The following GALNT13 variants were observed in gnomAD, a reference collection of about 807,000 sequenced individuals.
GALNT13 encodes the protein UDP-GalNAc:polypeptide N-acetylgalactosaminyltransferase 13.
In GALNT13, 28 loss-of-function variants were observed where a neutral mutation model predicts 64.2. That is an observed-to-expected ratio of 0.44 (90% CI 0.32 to 0.60). GALNT13 has a LOEUF of 0.60. Among genes scored for constraint, GALNT13 ranks in the 20% least tolerant of loss-of-function variants. GALNT13 has a pLI of 0.05. For missense variants in GALNT13, 577 were observed against 669.8 expected (o/e 0.86, Z 1.53); for synonymous variants, 214 against 224.6 (o/e 0.95, Z 0.42).
chr2:154,146,597 G>C (rs1000740681), intron 4 of GALNT13, among the ~76,000 whole-genome samples: 1 of 151,988 alleles, frequency 6.6e-6, no homozygotes, highest in East Asian at 1.9e-4. Context: ...TTAAGGAAAA[G>C]CAGGCACAGG....
At chr2:154,404,505 G>A (rs1033142992) in intron 10 of GALNT13, among the ~76,000 whole-genome samples, 1 of 152,196 alleles carries the variant, frequency 6.6e-6, no homozygotes. Context: ...ACAGAGGAAA[G>A]CAATGAGGTA....
intron 2 of GALNT13, among the ~76,000 whole-genome samples, chr2:153,917,059 C>G (rs541827889): frequency 6.6e-6 from 1 of 152,062 alleles, no homozygotes; most frequent in East Asian, 1.9e-4. Flanking sequence ...ATTCAGCTGA[C>G]AAGTCACTTA....
chr2:153,701,787 C>G, the GALNT13 span, among the ~76,000 whole-genome samples: 1 of 152,092 alleles, frequency 6.6e-6, no homozygotes, highest in Non-Finnish European at 1.5e-5. Flanking sequence ...GAGATACCAC[C>G]TCATGCCAGT....
chr2:153,223,176 G>A, the GALNT13 span, among the ~76,000 whole-genome samples: 1 of 152,230 alleles, frequency 6.6e-6, no homozygotes. Flanking sequence ...AAGGACAGGA[G>A]GCAGAAACTG....
At chr2:153,364,107 C>A in the GALNT13 span, among the ~76,000 whole-genome samples, 1 of 152,128 alleles carries the variant, frequency 6.6e-6, no homozygotes, top group Non-Finnish European at 1.5e-5. Flanking sequence ...TAAATGTAAT[C>A]CATCCCATAA....
At chr2:153,562,398 A>C in the GALNT13 span, among the ~76,000 whole-genome samples, 4 of 152,070 alleles carry the variant, frequency 2.6e-5, no homozygotes, top group African/African-American at 4.8e-5. Context: ...ACTTACACCA[A>C]ATCACACCCT....
chr2:153,273,225 T>C, the GALNT13 span, among the ~76,000 whole-genome samples: 1 of 152,182 alleles, frequency 6.6e-6, no homozygotes, highest in Admixed American at 6.5e-5. Flanking sequence ...TGTGTATACC[T>C]ATGTAACAAA....
intron 1 of GALNT13, among the ~76,000 whole-genome samples, chr2:153,899,753 G>A (rs1168004288): frequency 6.6e-6 from 1 of 151,904 alleles, no homozygotes; most frequent in East Asian, 1.9e-4. Context: ...TTTCTGCTTA[G>A]TACCATCAAG....
intron 4 of GALNT13, among the ~76,000 whole-genome samples, chr2:154,186,312 T>C (rs1021026085): frequency 1.3e-5 from 2 of 152,102 alleles, no homozygotes; most frequent in Non-Finnish European, 2.9e-5. Context: ...AAAAAACAGA[T>C]ATGTTAGTTT....
chr2:153,423,586 A>G, the GALNT13 span: 1 of 151,888 alleles, frequency 6.6e-6, no homozygotes, highest in Non-Finnish European at 1.5e-5. Flanking sequence ...ATGTATATGA[A>G]AGTCCAAGAG....
chr2:153,829,064 G>T, the GALNT13 span, among the ~76,000 whole-genome samples: 1 of 152,060 alleles, frequency 6.6e-6, no homozygotes. Context: ...GGATTTCATT[G>T]TCCATATCAT....
the GALNT13 span, among the ~76,000 whole-genome samples, chr2:153,244,427 G>A: frequency 1.2e-3 from 180 of 152,334 alleles, 1 homozygote; most frequent in African/African-American, 4.1e-3. Context: ...GAAGGTGGGT[G>A]ATTTCTGCAT....
the GALNT13 span, among the ~76,000 whole-genome samples, chr2:153,502,542 A>G: frequency 6.6e-6 from 1 of 152,326 alleles, no homozygotes; most frequent in South Asian, 2.1e-4. Context: ...TTGTGCTGCT[A>G]TAAACTTGCG....
intron 3 of GALNT13, among the ~76,000 whole-genome samples, chr2:153,989,795 T>C (rs1331612141): frequency 1.3e-5 from 2 of 152,052 alleles, no homozygotes; most frequent in Non-Finnish European, 2.9e-5. Context: ...GTGAAAGATA[T>C]TGATTGAAAT....
At chr2:153,432,692 A>G in the GALNT13 span, among the ~76,000 whole-genome samples, 1 of 150,608 alleles carries the variant, frequency 6.6e-6, no homozygotes, top group African/African-American at 2.4e-5. Flanking sequence ...TCTGACAGAA[A>G]CCCTTTGCAG....
chr2:154,353,465 C>T (rs1696529485), intron 9 of GALNT13, among the ~76,000 whole-genome samples: 1 of 151,988 alleles, frequency 6.6e-6, no homozygotes, highest in African/African-American at 2.4e-5. Context: ...AAGAAAGATC[C>T]CTAATACAAT....
chr2:153,452,367 G>A, the GALNT13 span, among the ~76,000 whole-genome samples: 2 of 152,014 alleles, frequency 1.3e-5, no homozygotes, highest in Non-Finnish European at 2.9e-5. Context: ...TGTAGTCCCA[G>A]CTACTTGGGA....
At chr2:154,214,565 G>A (rs1362919280) in intron 4 of GALNT13, among the ~76,000 whole-genome samples, 1 of 152,104 alleles carries the variant, frequency 6.6e-6, no homozygotes, top group Non-Finnish European at 1.5e-5. Flanking sequence ...ATTGAATCAT[G>A]GAGGTGGTTT....
chr2:154,049,514 A>ATT (rs398104870), intron 3 of GALNT13, among the ~76,000 whole-genome samples: 2 of 116,016 alleles, frequency 1.7e-5, no homozygotes, highest in Non-Finnish European at 4.3e-5. Flanking sequence ...TATTTTAAAT[A>ATT]TTATATATAT....
Sources: gnomAD v4.1 joint callset for allele counts (sites outside exome capture counted in the v4.1 genomes callset) on GRCh38, gnomAD v4.1.1 for gene constraint, MANE v1.5 for transcripts, NCBI Gene and HGNC (gene_info 2026-07-23, HGNC 2026-07-21) for gene names.